The following PCDH10 variants were observed in gnomAD, a reference collection of about 807,000 sequenced individuals.
The protein encoded by PCDH10 is protocadherin 10.
PCDH10 carries 15 observed loss-of-function variants against 74.4 expected under a neutral mutation model. The observed-to-expected ratio is 0.20, with a 90% confidence interval of 0.13 to 0.31. PCDH10 has a LOEUF of 0.31. Ranked by LOEUF, PCDH10 falls within the 10% of genes least tolerant of loss-of-function variation. The pLI, the probability that PCDH10 is intolerant of heterozygous loss-of-function variation, is 1.00. For missense variants in PCDH10, 1,260 were observed against 1,390.2 expected (o/e 0.91, Z 1.49); for synonymous variants, 619 against 589.8 (o/e 1.05, Z -0.72).
rs1436064239 is a variant in PCDH10, at chr4:133,191,573, A to G, written c.*1413A>G. ...AATATTAATTATTAAATTTAGTAAG[A>G]CGCACTTTCCTTTCTTTTATATATT... On this transcript the variant is annotated 3_prime_UTR_variant, in exon 5 of 5. Coordinates refer to ENST00000264360, the MANE Select transcript of PCDH10 (RefSeq NM_032961.3). 1 of 152,056 alleles carries G rather than the reference A, an allele frequency of 6.6e-6. No individual in the cohort carries two copies. The allele number at this position is 152,056 out of a possible 1,614,324, so 9.4% of individuals were successfully genotyped here. A position where few individuals can be genotyped will look rare whatever the true frequency, so the allele number is the denominator to read the frequency against.
intron 2 of PCDH10, among the ~76,000 whole-genome samples, chr4:133,207,885 A>G (rs1728039253): frequency 1.3e-5 from 2 of 152,256 alleles, no homozygotes; most frequent in South Asian, 4.1e-4. Context: ...TGATTTTCAC[A>G]TCCTAACATT....
At position 133,149,316 on chromosome 4, in the gene PCDH10, A is replaced by G. The variant is rs953831010; in HGVS notation, c.-825A>G. ...CTCAGAAACTGCCAGCCCAGACCAC[A>G]GGCTCAGAGGCTGAAGCAGGAGGAA... On this transcript the variant is annotated 5_prime_UTR_variant, in exon 1 of 5. Coordinates refer to ENST00000264360, the MANE Select transcript of PCDH10 (RefSeq NM_032961.3). The G allele has an allele frequency of 6.6e-6, 1 of 152,430 alleles. No individual in the cohort carries two copies. Among genetic ancestry groups the G allele is most frequent in the Non-Finnish European group, 1.5e-5 (1 of 68,104 alleles). The allele number at this position is 152,430 out of a possible 1,614,324, so 9.4% of individuals were successfully genotyped here. A position where few individuals can be genotyped will look rare whatever the true frequency, so the allele number is the denominator to read the frequency against.
At chr4:133,184,029 A>G (rs1339711953) in intron 4 of PCDH10, among the ~76,000 whole-genome samples, 2 of 152,282 alleles carry the variant, frequency 1.3e-5, no homozygotes, top group South Asian at 2.1e-4. Context: ...TAAGTATTCA[A>G]TATACACATA....
chr4:133,184,959 A>G (rs1329543244), intron 4 of PCDH10, among the ~76,000 whole-genome samples: 3 of 148,132 alleles, frequency 2.0e-5, no homozygotes, highest in African/African-American at 7.3e-5. Context: ...TAGTAACTCA[A>G]TTTTGTTTGA....
downstream of PCDH10, among the ~76,000 whole-genome samples, chr4:133,199,326 AATT>A (rs1031369648): frequency 9.8e-5 from 14 of 142,562 alleles, no homozygotes; most frequent in African/African-American, 2.3e-4. Context: ...TAATAATAAT[AATT>A]AATTAAATAG....
In PCDH10 at chr4:133,192,706, C is replaced by T. The variant is rs1479022631; in HGVS notation, c.*2546C>T. 2 of 151,472 alleles carry T rather than the reference C, an allele frequency of 1.3e-5. No homozygotes were observed. Among genetic ancestry groups the T allele is most frequent in the African/African-American group, 4.8e-5 (2 of 41,346 alleles). 9.4% of individuals were successfully genotyped at this position (151,472 alleles called of 1,614,324 possible). A position where few individuals can be genotyped will look rare whatever the true frequency, so the allele number is the denominator to read the frequency against. ...AATAGAATTGTTTAAGGATAAAATG[C>T]TACATTATTAGGTCATTAATCAACT... On this transcript the variant is annotated 3_prime_UTR_variant, in exon 5 of 5. Coordinates refer to ENST00000264360, the MANE Select transcript of PCDH10 (RefSeq NM_032961.3).
At position 133,193,203 on chromosome 4, in the gene PCDH10, A is replaced by G. The variant is rs1490496171; in HGVS notation, c.*3043A>G. 1 of 151,690 alleles carries G rather than the reference A, an allele frequency of 6.6e-6. No homozygotes were observed. Among genetic ancestry groups the G allele is most frequent in the African/African-American group, 2.4e-5 (1 of 41,430 alleles). The allele number at this position is 151,690 out of a possible 1,614,324, so 9.4% of individuals were successfully genotyped here. On this transcript the variant is annotated 3_prime_UTR_variant, in exon 5 of 5. Transcript: ENST00000264360. ...TTTAACGTGTGAACATAGTTTGGTGAAATCATCTTAAATCAAATTTAAATA... is the reference window on the plus strand; with the variant it reads ...TTTAACGTGTGAACATAGTTTGGTGGAATCATCTTAAATCAAATTTAAATA...
chr4:133,186,401 C>T (rs1490379417), intron 4 of PCDH10, among the ~76,000 whole-genome samples: 2 of 152,042 alleles, frequency 1.3e-5, no homozygotes, highest in African/African-American at 2.4e-5. Flanking sequence ...GTGACCAATT[C>T]CCTACATGCT....
At chr4:133,184,448 C>A (rs1054753370) in intron 4 of PCDH10, among the ~76,000 whole-genome samples, 3 of 151,510 alleles carry the variant, frequency 2.0e-5, no homozygotes, top group Admixed American at 2.0e-4. Flanking sequence ...CATGGTGAAA[C>A]CCCATCTGTA....
intron 3 of PCDH10, among the ~76,000 whole-genome samples, chr4:133,161,389 TTAGATAATC>T (rs1354839986): frequency 1.3e-5 from 2 of 152,202 alleles, no homozygotes; most frequent in Admixed American, 1.3e-4. Flanking sequence ...GAGTTAAGTA[TTAGATAATC>T]TAGATAATCT....
chr4:133,173,964 A>C (rs2125867473), intron 4 of PCDH10, among the ~76,000 whole-genome samples: 1 of 152,060 alleles, frequency 6.6e-6, no homozygotes, highest in East Asian at 1.9e-4. Context: ...ATGTAATAAT[A>C]GCTTACACAT....
chr4:133,164,061 G>A (rs1054622585), intron 4 of PCDH10: 2 of 454,550 alleles, frequency 4.4e-6, no homozygotes, highest in Non-Finnish European at 8.8e-6. Flanking sequence ...GACAACAATA[G>A]GTGGTGTTTT....
At chr4:133,184,811 T>G (rs1361835716) in intron 4 of PCDH10, among the ~76,000 whole-genome samples, 1 of 144,188 alleles carries the variant, frequency 6.9e-6, no homozygotes, top group Non-Finnish European at 1.5e-5. Context: ...TATATATATT[T>G]ATATATTTAC....
chr4:133,161,218 T>C (rs1028869398), intron 3 of PCDH10, among the ~76,000 whole-genome samples: 3 of 152,110 alleles, frequency 2.0e-5, no homozygotes, highest in Admixed American at 6.5e-5. Context: ...AACAGGAAAA[T>C]TATCAGTGAA....
At chr4:133,174,950 G>GA (rs201697835) in intron 4 of PCDH10, among the ~76,000 whole-genome samples, 6 of 146,354 alleles carry the variant, frequency 4.1e-5, no homozygotes, top group South Asian at 2.2e-4. Context: ...AATTGAGCTT[G>GA]AAAAAAAAAA....
chr4:133,192,298 A>T lies in PCDH10; in HGVS notation c.*2138A>T, dbSNP rs941107975. The T allele has an allele frequency of 6.6e-6, 1 of 151,654 alleles. No homozygotes were observed. The highest frequency in any genetic ancestry group is 2.4e-5 in the African/African-American group (1 of 41,406). The allele number at this position is 151,654 out of a possible 1,614,324, so 9.4% of individuals were successfully genotyped here. A position where few individuals can be genotyped will look rare whatever the true frequency, so the allele number is the denominator to read the frequency against. ...ATGTTTATACATAATTTAACTGGAA[A>T]AAAGTCTGTTTGTTCCAACTCTTTT... On this transcript the variant is annotated 3_prime_UTR_variant, in exon 5 of 5. Coordinates refer to ENST00000264360, the MANE Select transcript of PCDH10 (RefSeq NM_032961.3).
At position 133,151,467 on chromosome 4, in the gene PCDH10, C is replaced by A; in HGVS notation, c.1327C>A (p.Leu443Ile). 1 of 1,613,798 alleles carries A rather than the reference C, an allele frequency of 6.2e-7. No individual in the cohort carries two copies. Residue 443 changes from leucine (L) to isoleucine (I), a missense_variant, in exon 1 of 5, where the codon CTC (leucine) becomes ATC (isoleucine). This residue lies in a region of PCDH10 where 112 missense variants were observed against 123.6 expected (regional missense o/e 0.91). Transcript: ENST00000264360. The part of the protein sequence containing the change: ...VVARDRGEPA[L>I]STSKSIQVQV... Reference sequence around the variant, plus strand: ...GGCTCGGGACCGGGGCGAGCCTGCGCTCTCCACCAGTAAGTCGATCCAGGT... The same window carrying A: ...GGCTCGGGACCGGGGCGAGCCTGCGATCTCCACCAGTAAGTCGATCCAGGT...
At position 133,191,810 on chromosome 4, in the gene PCDH10, A is replaced by C. The variant is rs2125874438; in HGVS notation, c.*1650A>C. On this transcript the variant is annotated 3_prime_UTR_variant, in exon 5 of 5. Coordinates refer to ENST00000264360, the MANE Select transcript of PCDH10 (RefSeq NM_032961.3). ...AACCTGTTTTGAAATACTTTCCTTA[A>C]TTTTTAACTGATCTTATATTCAATG... The C allele has an allele frequency of 6.6e-6, 1 of 151,756 alleles. No homozygotes were observed. Among genetic ancestry groups the C allele is most frequent in the East Asian group, 1.9e-4 (1 of 5,162 alleles). The allele number at this position is 151,756 out of a possible 1,614,324, so 9.4% of individuals were successfully genotyped here.
chr4:133,208,262 T>A (rs1026928672), exon 3 of PCDH10: 6 of 152,224 alleles, frequency 3.9e-5, no homozygotes, highest in African/African-American at 1.4e-4. Flanking sequence ...TAAGCTGCAC[T>A]AAAATTTTTG....
Sources: gnomAD v4.1 joint callset for allele counts (sites outside exome capture counted in the v4.1 genomes callset) on GRCh38, gnomAD v4.1.1 for gene constraint, gnomAD v4.1.1 regional missense constraint, MANE v1.5 for transcripts, NCBI Gene and HGNC (gene_info 2026-07-23, HGNC 2026-07-21) for gene names.